The following ENTREP2 variants were observed in gnomAD, a reference collection of about 807,000 sequenced individuals.
The protein encoded by ENTREP2 is endosomal transmembrane epsin interactor 2.
the ENTREP2 span, among the ~76,000 whole-genome samples, chr15:29,553,002 T>C: frequency 4.6e-5 from 7 of 152,214 alleles, no homozygotes; most frequent in Admixed American, 2.6e-4. Flanking sequence ...GAATGTTTCA[T>C]ACTGTAAACT....
chr15:29,633,083 A>T, the ENTREP2 span, among the ~76,000 whole-genome samples: 1 of 152,228 alleles, frequency 6.6e-6, no homozygotes, highest in African/African-American at 2.4e-5. Context: ...CTGAATGAGT[A>T]AACTTTTAGT....
the ENTREP2 span, among the ~76,000 whole-genome samples, chr15:29,553,404 T>G: frequency 6.6e-6 from 1 of 152,338 alleles, no homozygotes; most frequent in African/African-American, 2.4e-5. Flanking sequence ...GGAACTTACT[T>G]TGGAACTCAG....
At chr15:29,507,746 A>G in the ENTREP2 span, among the ~76,000 whole-genome samples, 5 of 152,196 alleles carry the variant, frequency 3.3e-5, no homozygotes, top group Non-Finnish European at 5.9e-5. Flanking sequence ...TGGGACAGCT[A>G]AAGTAGTGTT....
chr15:29,120,387 T>C, the ENTREP2 span: 1 of 152,280 alleles, frequency 6.6e-6, no homozygotes, highest in Non-Finnish European at 1.5e-5. Context: ...AATTCTGCCT[T>C]AGCAGCCTCT....
the ENTREP2 span, among the ~76,000 whole-genome samples, chr15:29,349,979 T>C: frequency 0.15 from 22,286 of 152,150 alleles, 3,133 homozygotes; most frequent in African/African-American, 0.37. Flanking sequence ...CTGCAGGTAC[T>C]GAAAACCATC....
At chr15:29,239,410 C>G in the ENTREP2 span, among the ~76,000 whole-genome samples, 1 of 152,178 alleles carries the variant, frequency 6.6e-6, no homozygotes, top group South Asian at 2.1e-4. Flanking sequence ...ATCAGAAACA[C>G]AAACAGACAA....
the ENTREP2 span, among the ~76,000 whole-genome samples, chr15:29,224,073 G>C: frequency 6.6e-6 from 1 of 152,176 alleles, no homozygotes; most frequent in Non-Finnish European, 1.5e-5. Flanking sequence ...AGTTCTTAAA[G>C]ACACCGTGTC....
chr15:29,647,325 T>C, the ENTREP2 span, among the ~76,000 whole-genome samples: 1 of 152,202 alleles, frequency 6.6e-6, no homozygotes, highest in African/African-American at 2.4e-5. Context: ...CAATTATACA[T>C]TCTCAAATCA....
the ENTREP2 span, among the ~76,000 whole-genome samples, chr15:29,354,935 C>G: frequency 6.6e-6 from 1 of 152,276 alleles, no homozygotes; most frequent in Non-Finnish European, 1.5e-5. Context: ...TTACTGCTGC[C>G]TGGAGGCTGA....
chr15:29,556,414 G>T, the ENTREP2 span, among the ~76,000 whole-genome samples: 1 of 152,166 alleles, frequency 6.6e-6, no homozygotes, highest in African/African-American at 2.4e-5. Context: ...AGAGATTAAA[G>T]AATTAGGCAG....
the ENTREP2 span, among the ~76,000 whole-genome samples, chr15:29,200,109 A>AT: frequency 9.5e-3 from 1,454 of 152,314 alleles, 18 homozygotes; most frequent in Non-Finnish European, 0.014. Flanking sequence ...TACTGTGGCT[A>AT]TAAGTCTGGA....
At chr15:29,395,090 A>C in the ENTREP2 span, among the ~76,000 whole-genome samples, 2 of 150,178 alleles carry the variant, frequency 1.3e-5, no homozygotes, top group Admixed American at 6.7e-5. Context: ...GGGTTTCACC[A>C]TGTTAGCCAG....
chr15:29,251,769 A>G, the ENTREP2 span, among the ~76,000 whole-genome samples: 1 of 110,336 alleles, frequency 9.1e-6, no homozygotes, highest in Non-Finnish European at 1.9e-5. Flanking sequence ...TTTTTAGCTC[A>G]TCAGCTATCG....
the ENTREP2 span, among the ~76,000 whole-genome samples, chr15:29,528,292 A>G: frequency 6.6e-6 from 1 of 152,062 alleles, no homozygotes; most frequent in African/African-American, 2.4e-5. Context: ...GTAAAACCTC[A>G]AAGTCCTTCA....
At chr15:29,446,881 C>T in the ENTREP2 span, among the ~76,000 whole-genome samples, 2 of 152,186 alleles carry the variant, frequency 1.3e-5, no homozygotes, top group Admixed American at 6.5e-5. Context: ...CATTCTTCTG[C>T]AGTCACACCT....
chr15:29,141,331 C>T, the ENTREP2 span, among the ~76,000 whole-genome samples: 1 of 152,200 alleles, frequency 6.6e-6, no homozygotes, highest in Non-Finnish European at 1.5e-5. Flanking sequence ...GAGTCTCAGT[C>T]CCCTTCCCTG....
At chr15:29,516,394 C>T in the ENTREP2 span, among the ~76,000 whole-genome samples, 1 of 152,118 alleles carries the variant, frequency 6.6e-6, no homozygotes, top group African/African-American at 2.4e-5. Context: ...TACATACCAA[C>T]AATGGTAAAT....
chr15:29,597,764 G>A, the ENTREP2 span, among the ~76,000 whole-genome samples: 1 of 152,076 alleles, frequency 6.6e-6, no homozygotes, highest in Non-Finnish European at 1.5e-5. Context: ...TTTATGTAGG[G>A]ACATACGCTT....
At chr15:29,350,265 T>C in the ENTREP2 span, among the ~76,000 whole-genome samples, 5 of 152,208 alleles carry the variant, frequency 3.3e-5, no homozygotes, top group Non-Finnish European at 4.4e-5. Flanking sequence ...AATTAAGCCA[T>C]CTCATCTAAA....
Sources: gnomAD v4.1 joint callset for allele counts (sites outside exome capture counted in the v4.1 genomes callset) on GRCh38, gnomAD v4.1.1 for gene constraint, MANE v1.5 for transcripts, NCBI Gene and HGNC (gene_info 2026-07-23, HGNC 2026-07-21) for gene names.